NRXN1: variants seen among roughly 807,000 people sequenced by gnomAD.
NRXN1 encodes neurexin 1, also known as neurexin-1.
In NRXN1, 39 loss-of-function variants were observed where a neutral mutation model predicts 150.9. The observed-to-expected ratio is 0.26, with a 90% confidence interval of 0.20 to 0.34. NRXN1 has a LOEUF of 0.34. Ranked by LOEUF, NRXN1 falls within the 10% of genes least tolerant of loss-of-function variation. The probability of loss-of-function intolerance (pLI) is 1.00; values close to 1 mark genes in which losing one functional copy is unlikely to be tolerated. For synonymous variants in NRXN1, 924 were observed against 757.0 expected (o/e 1.22, Z -3.62); for missense variants, 1,815 against 1,949.9 (o/e 0.93, Z 1.30).
intron 5 of NRXN1, chr2:50,829,504 A>C (rs1202144139): frequency 6.2e-7 from 1 of 1,604,192 alleles, no homozygotes; most frequent in Non-Finnish European, 8.5e-7. Flanking sequence ...GCGCGAATCA[A>C]AAACAGCACA....
intron 17 of NRXN1, among the ~76,000 whole-genome samples, chr2:50,339,955 G>A (rs993803184): frequency 2.6e-5 from 4 of 152,140 alleles, no homozygotes; most frequent in Non-Finnish European, 4.4e-5. Flanking sequence ...CCAATGCTGG[G>A]ACAAATTTCA....
chr2:49,925,148 C>T (rs1668870148), intron 22 of NRXN1, among the ~76,000 whole-genome samples: 1 of 151,822 alleles, frequency 6.6e-6, no homozygotes, highest in South Asian at 2.1e-4. Flanking sequence ...GGCATGGTGG[C>T]ATGCACCTGT....
intron 5 of NRXN1, chr2:50,696,066 C>T (rs558449629): frequency 6.6e-6 from 1 of 152,204 alleles, no homozygotes; most frequent in East Asian, 1.9e-4. Context: ...TGGTCTTGAA[C>T]TCCTGACCTC....
At chr2:50,350,004 G>A (rs1013562613) in intron 17 of NRXN1, among the ~76,000 whole-genome samples, 1 of 152,146 alleles carries the variant, frequency 6.6e-6, no homozygotes, top group Non-Finnish European at 1.5e-5. Flanking sequence ...CTTACAGTCA[G>A]TTCTCATTAT....
chr2:50,020,383 C>G (rs1287060036), intron 21 of NRXN1, among the ~76,000 whole-genome samples: 1 of 152,136 alleles, frequency 6.6e-6, no homozygotes, highest in African/African-American at 2.4e-5. Context: ...TAACTGTATA[C>G]TGAAAGTGAG....
intron 18 of NRXN1, among the ~76,000 whole-genome samples, chr2:50,147,383 G>T (rs1428009385): frequency 6.6e-6 from 1 of 151,640 alleles, no homozygotes; most frequent in Non-Finnish European, 1.5e-5. Context: ...CAAATAACTT[G>T]TCTTAGGTAT....
At chr2:50,260,887 C>T (rs565375029) in intron 17 of NRXN1, among the ~76,000 whole-genome samples, 31 of 151,664 alleles carry the variant, frequency 2.0e-4, no homozygotes, top group Non-Finnish European at 3.7e-4. Context: ...TGTTCCTCTA[C>T]GGCTCCTCCA....
chr2:50,556,225 A>G (rs533837496), intron 8 of NRXN1, among the ~76,000 whole-genome samples: 6 of 152,136 alleles, frequency 3.9e-5, no homozygotes, highest in African/African-American at 1.4e-4. Flanking sequence ...AATGAACTGA[A>G]TCTAGTTCAA....
intron 17 of NRXN1, among the ~76,000 whole-genome samples, chr2:50,268,044 G>T (rs2069109003): frequency 6.6e-6 from 1 of 152,064 alleles, no homozygotes; most frequent in South Asian, 2.1e-4. Context: ...CAAAAAATCA[G>T]CTGGGTGTGG....
chr2:50,682,691 A>G (rs1314850325), intron 5 of NRXN1, among the ~76,000 whole-genome samples: 2 of 152,182 alleles, frequency 1.3e-5, no homozygotes, highest in Non-Finnish European at 2.9e-5. Flanking sequence ...GGGCTGATAC[A>G]GATTGCAATT....
chr2:50,602,399 T>C (rs1353203711), intron 8 of NRXN1, among the ~76,000 whole-genome samples: 2 of 151,990 alleles, frequency 1.3e-5, no homozygotes, highest in Non-Finnish European at 2.9e-5. Context: ...ATTTTTCTTT[T>C]TTTTTTCTCT....
At chr2:50,932,859 C>A (rs1687971065) in intron 2 of NRXN1, among the ~76,000 whole-genome samples, 1 of 151,880 alleles carries the variant, frequency 6.6e-6, no homozygotes, top group African/African-American at 2.4e-5. Context: ...TTTCATAGAT[C>A]CTGCTGCAAG....
intron 5 of NRXN1, among the ~76,000 whole-genome samples, chr2:50,630,534 C>T (rs529251573): frequency 5.1e-4 from 77 of 151,778 alleles, no homozygotes; most frequent in African/African-American, 1.5e-3. Context: ...AATTACCGTA[C>T]ATCTTAAAGA....
rs572491095 is a variant in NRXN1, at chr2:50,280,048, G to T, written c.3365-43078C>A. 2.0e-5 allele frequency among the ~76,000 whole-genome samples: 3 copies of T among 152,064 alleles called. No homozygotes were observed. The South Asian group carries it at 6.2e-4, about 32-fold the overall frequency. ...AATCCCAGCAATTTGGGAGGTCGAG[G>T]CGGGTGGATCACGAGGTCAAGAAAT... On this transcript the variant is annotated intron_variant, in intron 17 of 22. Coordinates refer to ENST00000401669, the MANE Select transcript of NRXN1 (RefSeq NM_001330078.2).
At chr2:50,040,038 C>G (rs944980418) in intron 21 of NRXN1, among the ~76,000 whole-genome samples, 1 of 152,040 alleles carries the variant, frequency 6.6e-6, no homozygotes, top group Non-Finnish European at 1.5e-5. Flanking sequence ...TAATGGTAAT[C>G]TAAATGGTCT....
intron 5 of NRXN1, among the ~76,000 whole-genome samples, chr2:50,761,702 T>C (rs1701824139): frequency 6.6e-6 from 1 of 151,762 alleles, no homozygotes. Context: ...CAAAAGAGAT[T>C]AACATTTGAG....
At chr2:50,301,307 C>A (rs1267330719) in intron 17 of NRXN1, among the ~76,000 whole-genome samples, 4 of 152,124 alleles carry the variant, frequency 2.6e-5, no homozygotes, top group African/African-American at 9.7e-5. Context: ...TAATTTAAAA[C>A]ATAACATTAT....
chr2:50,592,458 G>A (rs1054923009), intron 8 of NRXN1, among the ~76,000 whole-genome samples: 2 of 152,210 alleles, frequency 1.3e-5, no homozygotes, highest in African/African-American at 4.8e-5. Flanking sequence ...TCTATGAGCT[G>A]AGAGACAGTC....
intron 8 of NRXN1, among the ~76,000 whole-genome samples, chr2:50,605,151 T>G (rs1000085537): frequency 7.9e-5 from 12 of 152,220 alleles, no homozygotes; most frequent in African/African-American, 2.9e-4. Flanking sequence ...TGTGTTTATC[T>G]CTCCTCAACC....
Sources: gnomAD v4.1 joint callset for allele counts (sites outside exome capture counted in the v4.1 genomes callset) on GRCh38, gnomAD v4.1.1 for gene constraint, MANE v1.5 for transcripts, NCBI Gene and HGNC (gene_info 2026-07-23, HGNC 2026-07-21) for gene names.